Variants in SUGCT observed in about 807,000 individuals in gnomAD.
The protein encoded by SUGCT is succinyl-CoA:glutarate CoA-transferase.
In SUGCT, 41 loss-of-function variants were observed where a neutral mutation model predicts 55.0. The ratio of observed to expected loss-of-function variants is 0.74; its 90% CI spans 0.58 to 0.97. The LOEUF is 0.97. Among genes scored for constraint, SUGCT ranks in the 50% least tolerant of loss-of-function variants. The pLI, the probability that SUGCT is intolerant of heterozygous loss-of-function variation, is 0.00. For synonymous variants in SUGCT, 187 were observed against 200.4 expected (o/e 0.93, Z 0.56); for missense variants, 568 against 547.8 (o/e 1.04, Z -0.37).
At chr7:40,434,835 T>A (rs1223530967) in intron 9 of SUGCT, among the ~76,000 whole-genome samples, 1 of 152,288 alleles carries the variant, frequency 6.6e-6, no homozygotes, top group East Asian at 1.9e-4. Context: ...TATAAATGTC[T>A]ATACATATAT....
intron 11 of SUGCT, among the ~76,000 whole-genome samples, chr7:40,474,061 T>C (rs1298189872): frequency 6.6e-6 from 1 of 152,154 alleles, no homozygotes; most frequent in African/African-American, 2.4e-5. Context: ...AGCTGTAGTT[T>C]AGCTGGTAAC....
At chr7:40,447,826 G>T (rs1282022679) in intron 9 of SUGCT, among the ~76,000 whole-genome samples, 1 of 151,348 alleles carries the variant, frequency 6.6e-6, no homozygotes, top group Non-Finnish European at 1.5e-5. Context: ...AGGAAGTGAA[G>T]AAAAAGTAGG....
At chr7:40,896,447 G>A in the SUGCT span, among the ~76,000 whole-genome samples, 1 of 152,140 alleles carries the variant, frequency 6.6e-6, no homozygotes, top group Non-Finnish European at 1.5e-5. Flanking sequence ...TTGAATTGCA[G>A]TTCCCACAAT....
At chr7:40,404,146 A>G (rs1786233363) in intron 9 of SUGCT, among the ~76,000 whole-genome samples, 1 of 152,200 alleles carries the variant, frequency 6.6e-6, no homozygotes, top group Non-Finnish European at 1.5e-5. Context: ...GTGCAGGAAA[A>G]GGGCCTCTGC....
chr7:40,921,777 A>G, the SUGCT span, among the ~76,000 whole-genome samples: 1 of 152,196 alleles, frequency 6.6e-6, no homozygotes, highest in Admixed American at 6.5e-5. Context: ...GAGGTTGCCC[A>G]CTGCACTTTG....
intron 9 of SUGCT, among the ~76,000 whole-genome samples, chr7:40,334,004 C>G (rs1796518072): frequency 6.6e-6 from 1 of 151,952 alleles, no homozygotes; most frequent in Non-Finnish European, 1.5e-5. Context: ...CATGCAGTGT[C>G]TGGTTTTTTG....
the SUGCT span, among the ~76,000 whole-genome samples, chr7:40,920,104 G>A: frequency 2.6e-5 from 4 of 151,730 alleles, no homozygotes; most frequent in Non-Finnish European, 5.9e-5. Context: ...TTGGTTAAAG[G>A]CCCCTCTGAG....
chr7:40,904,871 T>C, the SUGCT span, among the ~76,000 whole-genome samples: 1,015 of 152,312 alleles, frequency 6.7e-3, 13 homozygotes, highest in African/African-American at 0.023. Flanking sequence ...TTCTTTCACT[T>C]TCTACTTTGA....
chr7:40,867,342 T>G, the SUGCT span, among the ~76,000 whole-genome samples: 274 of 151,452 alleles, frequency 1.8e-3, 4 homozygotes, highest in Middle Eastern at 7.0e-3. Flanking sequence ...TGTATATATA[T>G]GCTCTCCATA....
At chr7:40,146,605 C>T (rs1275403116) in intron 1 of SUGCT, among the ~76,000 whole-genome samples, 1 of 152,226 alleles carries the variant, frequency 6.6e-6, no homozygotes, top group Non-Finnish European at 1.5e-5. Context: ...ATGAACATGT[C>T]CTTAAGGCAC....
intron 6 of SUGCT, among the ~76,000 whole-genome samples, chr7:40,218,172 C>G (rs751454111): frequency 5.3e-5 from 8 of 152,278 alleles, no homozygotes; most frequent in Non-Finnish European, 1.0e-4. Context: ...GACACTGTGC[C>G]ACAGTGCTCC....
intron 6 of SUGCT, chr7:40,217,494 G>A: frequency 2.3e-6 from 1 of 429,572 alleles, no homozygotes; most frequent in South Asian, 1.7e-5. Context: ...TTACAGGAAT[G>A]AGCCACCGCG....
intron 13 of SUGCT, among the ~76,000 whole-genome samples, chr7:40,769,530 G>A (rs1291008229): frequency 1.3e-5 from 2 of 152,212 alleles, no homozygotes; most frequent in Non-Finnish European, 2.9e-5. Context: ...TGTGATAATG[G>A]AAGCAGAGAG....
chr7:40,788,627 CTG>C (rs1194200646), intron 13 of SUGCT, among the ~76,000 whole-genome samples: 1 of 152,200 alleles, frequency 6.6e-6, no homozygotes, highest in African/African-American at 2.4e-5. Context: ...AGATGGATCT[CTG>C]TGTGGGTTGG....
chr7:40,635,173 C>A (rs568420583), intron 12 of SUGCT, among the ~76,000 whole-genome samples: 2 of 152,166 alleles, frequency 1.3e-5, no homozygotes, highest in South Asian at 4.2e-4. Flanking sequence ...GTAGTCCCAG[C>A]TACTTGGGAG....
chr7:40,929,389 T>C, the SUGCT span, among the ~76,000 whole-genome samples: 5 of 152,328 alleles, frequency 3.3e-5, no homozygotes, highest in Middle Eastern at 6.8e-3. Flanking sequence ...AACACACGTG[T>C]GCATGTGTCT....
the SUGCT span, among the ~76,000 whole-genome samples, chr7:40,877,408 AC>A: frequency 1.3e-5 from 2 of 152,206 alleles, no homozygotes; most frequent in African/African-American, 4.8e-5. Flanking sequence ...ACCAGTGTAA[AC>A]GTAATTTTGA....
At chr7:40,200,438 T>G (rs988636777) in intron 6 of SUGCT, among the ~76,000 whole-genome samples, 6 of 151,548 alleles carry the variant, frequency 4.0e-5, no homozygotes, top group South Asian at 2.1e-4. Flanking sequence ...GGTTTTTTTT[T>G]GAGGGGGGTA....
the SUGCT span, among the ~76,000 whole-genome samples, chr7:40,981,283 C>A: frequency 6.6e-6 from 1 of 152,120 alleles, no homozygotes; most frequent in Non-Finnish European, 1.5e-5. Flanking sequence ...TGTTTGCAAC[C>A]AGATAGTTTC....
Sources: gnomAD v4.1 joint callset for allele counts (sites outside exome capture counted in the v4.1 genomes callset) on GRCh38, gnomAD v4.1.1 for gene constraint, MANE v1.5 for transcripts, NCBI Gene and HGNC (gene_info 2026-07-23, HGNC 2026-07-21) for gene names.